The following CADM2 variants were observed in gnomAD, a reference collection of about 807,000 sequenced individuals.
The protein encoded by CADM2 is cell adhesion molecule 2.
Under a neutral mutation model 49.8 loss-of-function variants are expected in CADM2, and 12 were observed. That is an observed-to-expected ratio of 0.24 (90% confidence interval 0.15 to 0.39). The LOEUF (loss-of-function observed/expected upper bound fraction) is 0.39, where lower values mean the gene tolerates loss of function less well. Ranked by LOEUF, CADM2 falls within the 10% of genes least tolerant of loss-of-function variation. The pLI, the probability that CADM2 is intolerant of heterozygous loss-of-function variation, is 1.00. For missense variants in CADM2, 378 were observed against 492.3 expected, an observed-to-expected ratio of 0.77 and a Z score of 2.20; for synonymous variants, 214 against 175.4, an observed-to-expected ratio of 1.22 and a Z score of -1.74.
chr3:85,188,729 G>A (rs1299163726), intron 1 of CADM2, among the ~76,000 whole-genome samples: 1 of 151,846 alleles, frequency 6.6e-6, no homozygotes, highest in Non-Finnish European at 1.5e-5. Context: ...ATTTAACTAA[G>A]TACTTTAAAA....
At chr3:85,453,543 C>T (rs1015800695) in intron 1 of CADM2, among the ~76,000 whole-genome samples, 13 of 151,876 alleles carry the variant, frequency 8.6e-5, no homozygotes, top group Non-Finnish European at 1.5e-4. Flanking sequence ...TGTCAATTTT[C>T]TGGATTTCTG....
intron 1 of CADM2, among the ~76,000 whole-genome samples, chr3:85,483,522 A>G (rs1463729230): frequency 6.6e-6 from 1 of 150,894 alleles, no homozygotes; most frequent in Non-Finnish European, 1.5e-5. Context: ...CTGATGTACT[A>G]TTTTTTGGTG....
chr3:85,098,965 C>T (rs2037909929), intron 1 of CADM2, among the ~76,000 whole-genome samples: 1 of 152,164 alleles, frequency 6.6e-6, no homozygotes. Flanking sequence ...ACAAACTTTT[C>T]ATTTTATACC....
intron 1 of CADM2, among the ~76,000 whole-genome samples, chr3:85,285,770 T>C (rs1451826934): frequency 6.6e-6 from 1 of 151,608 alleles, no homozygotes; most frequent in African/African-American, 2.4e-5. Flanking sequence ...AATACAATAT[T>C]AAATGTATTT....
At chr3:85,565,105 A>G (rs762501064) in intron 1 of CADM2, among the ~76,000 whole-genome samples, 1 of 152,066 alleles carries the variant, frequency 6.6e-6, no homozygotes, top group Non-Finnish European at 1.5e-5. Context: ...TATCATGCCA[A>G]TTTATCCATA....
chr3:85,299,975 A>T (rs1255352990), intron 1 of CADM2, among the ~76,000 whole-genome samples: 2 of 152,216 alleles, frequency 1.3e-5, no homozygotes, highest in East Asian at 3.9e-4. Flanking sequence ...AAAATTCTCA[A>T]CACCAATTAC....
chr3:84,986,405 G>A (rs944598733), intron 1 of CADM2, among the ~76,000 whole-genome samples: 12 of 152,060 alleles, frequency 7.9e-5, no homozygotes, highest in Admixed American at 3.9e-4. Context: ...CTACTATTAT[G>A]GGGAATGCAA....
At chr3:85,034,443 G>A (rs749638644) in intron 1 of CADM2, among the ~76,000 whole-genome samples, 59 of 151,980 alleles carry the variant, frequency 3.9e-4, no homozygotes, top group Non-Finnish European at 7.1e-4. Flanking sequence ...TCTTTTTTAC[G>A]GCTAAATAGT....
intron 1 of CADM2, among the ~76,000 whole-genome samples, chr3:85,655,025 G>C (rs1478945773): frequency 6.6e-6 from 1 of 152,154 alleles, no homozygotes; most frequent in South Asian, 2.1e-4. Context: ...CACACTGTTA[G>C]TTGAGACCAG....
At chr3:85,255,249 G>A (rs2042859556) in intron 1 of CADM2, among the ~76,000 whole-genome samples, 1 of 151,946 alleles carries the variant, frequency 6.6e-6, no homozygotes, top group South Asian at 2.1e-4. Flanking sequence ...TACAGAATCT[G>A]GTGTCAAATT....
chr3:85,960,588 A>G (rs1724687335), intron 7 of CADM2, among the ~76,000 whole-genome samples: 1 of 152,002 alleles, frequency 6.6e-6, no homozygotes, highest in Non-Finnish European at 1.5e-5. Context: ...ATTACAGAAA[A>G]TAAATGTAAA....
chr3:85,010,722 A>AT (rs530490073), intron 1 of CADM2, among the ~76,000 whole-genome samples: 35 of 148,080 alleles, frequency 2.4e-4, no homozygotes, highest in Admixed American at 5.4e-4. Flanking sequence ...GCCTTAGGTG[A>AT]TTTTTTTTTT....
intron 2 of CADM2, among the ~76,000 whole-genome samples, chr3:85,748,015 A>G (rs2068690095): frequency 6.6e-6 from 1 of 152,144 alleles, no homozygotes; most frequent in African/African-American, 2.4e-5. Context: ...GCAAAGAAAT[A>G]TGGTTCATTT....
At chr3:85,459,120 A>T (rs1187372275) in intron 1 of CADM2, among the ~76,000 whole-genome samples, 1 of 152,132 alleles carries the variant, frequency 6.6e-6, no homozygotes, top group Non-Finnish European at 1.5e-5. Context: ...CTGGTACAAG[A>T]ATACCCAAGT....
At chr3:85,842,389 A>G (rs2074678199) in intron 3 of CADM2, among the ~76,000 whole-genome samples, 1 of 152,064 alleles carries the variant, frequency 6.6e-6, no homozygotes, top group Non-Finnish European at 1.5e-5. Context: ...GTCTTCCTCA[A>G]CCCTCTTTCA....
chr3:85,874,550 A>T (rs1185897989), intron 3 of CADM2, among the ~76,000 whole-genome samples: 1 of 152,142 alleles, frequency 6.6e-6, no homozygotes, highest in Non-Finnish European at 1.5e-5. Flanking sequence ...AATGAATTTC[A>T]TATGTCTATG....
intron 1 of CADM2, among the ~76,000 whole-genome samples, chr3:85,202,618 A>G (rs1444546549): frequency 1.3e-5 from 2 of 152,132 alleles, no homozygotes; most frequent in African/African-American, 4.8e-5. Flanking sequence ...TATAATTCTT[A>G]AAGGCACTAG....
At chr3:85,306,405 A>G (rs185944960) in intron 1 of CADM2, among the ~76,000 whole-genome samples, 2 of 151,866 alleles carry the variant, frequency 1.3e-5, no homozygotes, top group East Asian at 3.9e-4. Context: ...TGTATTCTAT[A>G]TAGATCTCTT....
intron 3 of CADM2, among the ~76,000 whole-genome samples, chr3:85,822,167 C>T (rs376842121): frequency 9.9e-5 from 15 of 152,256 alleles, no homozygotes; most frequent in African/African-American, 3.1e-4. Context: ...ATAATCTGAA[C>T]TGTTTCCATT....
Sources: allele counts gnomAD v4.1 joint callset (sites outside exome capture counted in the v4.1 genomes callset), GRCh38; gene constraint gnomAD v4.1.1; transcripts MANE v1.5; gene names NCBI Gene and HGNC (gene_info 2026-07-23, HGNC 2026-07-21).